The following SCIN variants were observed in gnomAD, a reference collection of about 807,000 sequenced individuals.
SCIN encodes the protein adseverin.
Under a neutral mutation model 91.8 loss-of-function variants are expected in SCIN, and 91 were observed. That is an observed-to-expected ratio of 0.99 (90% CI 0.84 to 1.18). The LOEUF (loss-of-function observed/expected upper bound fraction) is 1.18, where lower values mean the gene tolerates loss of function less well. SCIN is among the 50% of genes most tolerant of loss of function. SCIN has a pLI of 0.00. For missense variants in SCIN, 1,087 were observed against 863.9 expected, an observed-to-expected ratio of 1.26 and a Z score of -3.24; for synonymous variants, 367 against 312.6, an observed-to-expected ratio of 1.17 and a Z score of -1.84.
At chr7:12,592,481 TTTAAC>T (rs1289948277) in intron 3 of SCIN, among the ~76,000 whole-genome samples, 1 of 151,804 alleles carries the variant, frequency 6.6e-6, no homozygotes, top group African/African-American at 2.4e-5. Flanking sequence ...GGAAGAGTCT[TTTAAC>T]TGGATTCTGA....
At chr7:12,620,558 T>C (rs1583303955) in intron 4 of SCIN, among the ~76,000 whole-genome samples, 1 of 152,086 alleles carries the variant, frequency 6.6e-6, no homozygotes. Flanking sequence ...TCCTACAACA[T>C]AGGAGTAATG....
At chr7:12,611,506 A>T (rs929067529) in intron 4 of SCIN, among the ~76,000 whole-genome samples, 1 of 152,204 alleles carries the variant, frequency 6.6e-6, no homozygotes, top group East Asian at 1.9e-4. Flanking sequence ...ATAGTTGTAC[A>T]TTTAAATAAA....
Position 12,644,845 on chromosome 7 carries a change from C to G in SCIN, c.1881+140C>G, listed in dbSNP as rs1299361072. ...AGCCTGACCAACATGTAGAAACCGT[C>G]TCTACTAAAAATATAAAAATTAGCT... On this transcript the variant is annotated intron_variant, in intron 13 of 15. Transcript: ENST00000297029. 4.2e-6 allele frequency: 3 copies of G among 716,580 alleles called. No homozygotes were observed. In the East Asian group the frequency reaches 1.0e-4, roughly 24 times the overall value. 44.4% of individuals were successfully genotyped at this position (716,580 alleles called of 1,614,324 possible).
chr7:12,640,483 G>C lies in SCIN; in HGVS notation c.1547G>C (p.Arg516Pro). 6.2e-7 allele frequency: 1 copy of C among 1,611,952 alleles called. No homozygotes were observed. Among genetic ancestry groups the C allele is most frequent in the Non-Finnish European group, 8.5e-7 (1 of 1,179,084 alleles). Residue 516 changes from arginine (R) to proline (P), a missense_variant, in exon 11 of 16, where the codon CGG (arginine) becomes CCG (proline). By Grantham distance (103) the Arg-to-Pro change is moderately radical (BLOSUM62 -2). Transcript: ENST00000297029. ...CCCCCTACACGCCTCTTTCAAGTCC[G>C]GAGAAACCTGGCATCTATCACCAGA... ...PAPPTRLFQV[R>P]RNLASITRIV...
At chr7:12,581,275 T>G in intron 3 of SCIN, 54 bp downstream of exon 3, 10 of 1,500,654 alleles carry the variant, frequency 6.7e-6, no homozygotes, top group Non-Finnish European at 9.1e-6. Flanking sequence ...TGCTTTCGGA[T>G]CAAATCATAT....
intron 3 of SCIN, among the ~76,000 whole-genome samples, chr7:12,587,411 T>C (rs1404437298): frequency 6.6e-6 from 1 of 152,222 alleles, no homozygotes; most frequent in African/African-American, 2.4e-5. Context: ...CTCACTAATC[T>C]ATAACCTTCG....
chr7:12,652,502 A>G (rs1023094353), intron 15 of SCIN, 86 bp from the exon 16 acceptor site: 18 of 1,200,250 alleles, frequency 1.5e-5, no homozygotes, highest in Non-Finnish European at 2.1e-5. Flanking sequence ...TTAATTCATT[A>G]CTTTTATTCG....
intron 8 of SCIN, among the ~76,000 whole-genome samples, chr7:12,628,747 GA>G (rs542848107): frequency 4.4e-4 from 67 of 152,048 alleles, no homozygotes; most frequent in African/African-American, 1.4e-3. Flanking sequence ...CATAATTGAA[GA>G]AAAAAATTAA....
chr7:12,595,895 C>G (rs1011365195), intron 3 of SCIN: 1 of 154,100 alleles, frequency 6.5e-6, no homozygotes, highest in Admixed American at 6.4e-5. Context: ...ATCCAAATTA[C>G]CAGTGGCAAA....
chr7:12,640,011 G>A (rs773124581), intron 10 of SCIN, among the ~76,000 whole-genome samples: 10 of 152,106 alleles, frequency 6.6e-5, no homozygotes, highest in African/African-American at 2.4e-4. Flanking sequence ...ACATAAGGTC[G>A]CAGACACCAG....
At chr7:12,640,773 T>C (rs1460654556) in intron 11 of SCIN, among the ~76,000 whole-genome samples, 1 of 152,184 alleles carries the variant, frequency 6.6e-6, no homozygotes, top group African/African-American at 2.4e-5. Context: ...TGTCACAAAT[T>C]AGCTGTCAAA....
intron 13 of SCIN, 97 bp downstream of exon 13, chr7:12,644,802 G>T: frequency 8.0e-7 from 1 of 1,245,014 alleles, no homozygotes; most frequent in Non-Finnish European, 1.1e-6. Context: ...GATCACCTGA[G>T]GTCAGGAGTT....
intron 3 of SCIN, among the ~76,000 whole-genome samples, chr7:12,594,674 C>A (rs1432078712): frequency 6.6e-6 from 1 of 151,978 alleles, no homozygotes; most frequent in Non-Finnish European, 1.5e-5. Context: ...CTGAGAGGCT[C>A]CCATAGTGAA....
chr7:12,572,865 A>C (rs1458944553), intron 1 of SCIN, among the ~76,000 whole-genome samples: 1 of 152,248 alleles, frequency 6.6e-6, no homozygotes, highest in Non-Finnish European at 1.5e-5. Context: ...ACTTGTGGAT[A>C]TGAATAATTA....
rs1266659081 is a variant in SCIN, at chr7:12,655,745, C to G, written c.*3030C>G. 2.0e-5 allele frequency: 3 copies of G among 152,108 alleles called. No individual in the cohort carries two copies. The highest frequency in any genetic ancestry group is 1.3e-4 in the Admixed American group (2 of 15,270). The allele number at this position is 152,108 out of a possible 1,614,324, so 9.4% of individuals were successfully genotyped here. A position where few individuals can be genotyped will look rare whatever the true frequency, so the allele number is the denominator to read the frequency against. ...ATTATATATTTGCCAAACGTATGTA[C>G]TAATCTAAAACCAAACACATTAGAC... On this transcript the variant is annotated 3_prime_UTR_variant, in exon 16 of 16. Coordinates refer to ENST00000297029, the MANE Select transcript of SCIN (RefSeq NM_001112706.3).
chr7:12,590,553 A>C (rs942124937), intron 3 of SCIN, among the ~76,000 whole-genome samples: 3 of 151,604 alleles, frequency 2.0e-5, no homozygotes, highest in Non-Finnish European at 4.4e-5. Context: ...ATTTTTGACT[A>C]TCCAGTCCCC....
chr7:12,586,919 T>C (rs571852011), intron 3 of SCIN, among the ~76,000 whole-genome samples: 50 of 152,054 alleles, frequency 3.3e-4, no homozygotes, highest in African/African-American at 9.6e-4. Context: ...TTATGAGAGA[T>C]TGGGAAGGGT....
chr7:12,624,469 T>A (rs1187297160), intron 5 of SCIN, among the ~76,000 whole-genome samples: 3 of 152,324 alleles, frequency 2.0e-5, no homozygotes, highest in African/African-American at 7.2e-5. Flanking sequence ...GTTGAAAAAA[T>A]CTTTGTGCAT....
chr7:12,600,340 G>A lies in SCIN; in HGVS notation c.517-4174G>A, dbSNP rs183818057. Among the ~76,000 whole-genome samples, 6 of 152,214 alleles carry A rather than the reference G, an allele frequency of 3.9e-5. 2 individuals carry two copies. Among genetic ancestry groups the A allele is most frequent in the African/African-American group, 1.4e-4 (6 of 41,518 alleles). Reference sequence around the variant, plus strand: ...CATAAGAATAATACATTGACATTGGGGACTCAGGGGAAAGGGTGAGGGATG... The same window carrying A: ...CATAAGAATAATACATTGACATTGGAGACTCAGGGGAAAGGGTGAGGGATG... On this transcript the variant is annotated intron_variant, in intron 3 of 15. Transcript: ENST00000297029.
Sources: gnomAD v4.1 joint callset for allele counts (sites outside exome capture counted in the v4.1 genomes callset) on GRCh38, gnomAD v4.1.1 for gene constraint, MANE v1.5 for transcripts, NCBI Gene and HGNC (gene_info 2026-07-23, HGNC 2026-07-21) for gene names.